The following SPATA7 variants were observed in gnomAD, a reference collection of about 807,000 sequenced individuals.
The protein encoded by SPATA7 is spermatogenesis-associated protein 7.
SPATA7 carries 43 observed loss-of-function variants against 51.8 expected under a neutral mutation model. The ratio of observed to expected loss-of-function variants is 0.83; its 90% CI spans 0.65 to 1.07. The LOEUF (loss-of-function observed/expected upper bound fraction) is 1.07, where lower values mean the gene tolerates loss of function less well. Among genes scored for constraint, SPATA7 ranks in the 50% least tolerant of loss-of-function variants. SPATA7 has a pLI of 0.00. For missense variants in SPATA7, 683 were observed against 701.3 expected (o/e 0.97, Z 0.30); for synonymous variants, 230 against 252.8 (o/e 0.91, Z 0.86).
chr14:88,402,497 T>C (rs1184707379), intron 4 of SPATA7, among the ~76,000 whole-genome samples: 1 of 152,150 alleles, frequency 6.6e-6, no homozygotes, highest in African/African-American at 2.4e-5. Flanking sequence ...TCCATGTGTT[T>C]ATAGTCAACT....
At chr14:88,400,927 G>A (rs1286819635) in intron 4 of SPATA7, among the ~76,000 whole-genome samples, 1 of 152,142 alleles carries the variant, frequency 6.6e-6, no homozygotes, top group African/African-American at 2.4e-5. Context: ...AATATTCAAA[G>A]AAAGGATAGC....
intron 4 of SPATA7, among the ~76,000 whole-genome samples, chr14:88,399,051 CAA>C (rs962205139): frequency 2.5e-4 from 16 of 63,218 alleles, no homozygotes; most frequent in Admixed American, 7.2e-4. Context: ...GACTCCGTCT[CAA>C]AAAAAAAAAA....
At chr14:88,467,594 C>CATT (rs1566802272) in intron 4 of SPATA7, 1 of 152,130 alleles carries the variant, frequency 6.6e-6, no homozygotes, top group African/African-American at 2.4e-5. Flanking sequence ...GCAACTAAAC[C>CATT]ATTATTAAGT....
intron 3 of SPATA7, among the ~76,000 whole-genome samples, chr14:88,395,131 A>G (rs2075846854): frequency 6.6e-6 from 1 of 152,096 alleles, no homozygotes. Flanking sequence ...TAAAAATTGT[A>G]TAGGGAGTTA....
chr14:88,443,862 T>C (rs1317222473), intron 3 of SPATA7, among the ~76,000 whole-genome samples: 1 of 152,224 alleles, frequency 6.6e-6, no homozygotes, highest in East Asian at 1.9e-4. Context: ...ATGTGCCACA[T>C]TTTCTTAATC....
downstream of SPATA7, among the ~76,000 whole-genome samples, chr14:88,442,194 G>GTT (rs2077182667): frequency 6.6e-6 from 1 of 151,736 alleles, no homozygotes; most frequent in South Asian, 2.1e-4. Context: ...TTGTTTGTTT[G>GTT]TTTGTTTGTT....
intron 4 of SPATA7, among the ~76,000 whole-genome samples, chr14:88,408,937 C>T (rs1003837520): frequency 7.9e-5 from 12 of 152,168 alleles, no homozygotes; most frequent in African/African-American, 2.9e-4. Context: ...TTGAAGCAGC[C>T]TTGCATCCCA....
At chr14:88,451,159 G>T (rs1566795519) in intron 3 of SPATA7, among the ~76,000 whole-genome samples, 1 of 152,144 alleles carries the variant, frequency 6.6e-6, no homozygotes, top group Non-Finnish European at 1.5e-5. Flanking sequence ...TAGAAGTTGT[G>T]CTTTTTGTTT....
chr14:88,389,610 C>A (rs2075684323), intron 1 of SPATA7, among the ~76,000 whole-genome samples: 1 of 152,178 alleles, frequency 6.6e-6, no homozygotes, highest in South Asian at 2.1e-4. Flanking sequence ...GGAACATAGA[C>A]ATCAAGGAAC....
At chr14:88,454,572 A>G (rs2077272019) in intron 3 of SPATA7, among the ~76,000 whole-genome samples, 1 of 152,070 alleles carries the variant, frequency 6.6e-6, no homozygotes, top group South Asian at 2.1e-4. Flanking sequence ...GGAGGCCAAG[A>G]TGGGAGGATC....
chr14:88,466,538 A>G (rs2077365835), intron 4 of SPATA7: 1 of 152,242 alleles, frequency 6.6e-6, no homozygotes, highest in Non-Finnish European at 1.5e-5. Context: ...TAGATTTGAC[A>G]TTTTGGAAGT....
At chr14:88,451,618 C>A (rs927406800) in intron 3 of SPATA7, among the ~76,000 whole-genome samples, 13 of 151,922 alleles carry the variant, frequency 8.6e-5, no homozygotes, top group Middle Eastern at 3.4e-3. Context: ...CCTCTGCCTC[C>A]CTAGGTTCAA....
At chr14:88,445,113 A>G (rs920199108) in intron 3 of SPATA7, among the ~76,000 whole-genome samples, 30 of 152,146 alleles carry the variant, frequency 2.0e-4, no homozygotes, top group Non-Finnish European at 4.1e-4. Context: ...CTTCCTACCC[A>G]TGAGCATGGA....
intron 4 of SPATA7, among the ~76,000 whole-genome samples, chr14:88,404,395 A>C (rs188075655): frequency 1.3e-5 from 2 of 152,342 alleles, no homozygotes; most frequent in Admixed American, 6.5e-5. Context: ...AATAGAAAAG[A>C]GTAGTAGAGT....
rs529423217 is a variant in SPATA7 at position 88,407,194 on chromosome 14, G to A, written c.239-9517G>A. Among the ~76,000 whole-genome samples the A allele has an allele frequency of 1.4e-3, 206 of 152,150 alleles. 1 individual carries two copies. The highest frequency in any genetic ancestry group is 4.7e-3 in the African/African-American group (194 of 41,532). On this transcript the variant is annotated intron_variant, in intron 4 of 11. Transcript: ENST00000393545. ...CTAGATCCTTGAGGAATTGCCACAC[G>A]GTCTTCCACAATGGTTGAACTAATT...
intron 3 of SPATA7, among the ~76,000 whole-genome samples, chr14:88,395,823 A>G (rs1474431555): frequency 6.6e-6 from 1 of 152,102 alleles, no homozygotes; most frequent in Non-Finnish European, 1.5e-5. Flanking sequence ...TTATTGTAGC[A>G]TTACAGTAAG....
chr14:88,421,615 C>G (rs112957630), intron 5 of SPATA7, among the ~76,000 whole-genome samples: 3 of 152,062 alleles, frequency 2.0e-5, no homozygotes, highest in Admixed American at 2.0e-4. Flanking sequence ...GATTCTATGA[C>G]AGCAGAGAGA....
intron 4 of SPATA7, 37 bp downstream of exon 4, chr14:88,396,240 A>C (rs773899103): frequency 1.3e-6 from 2 of 1,487,952 alleles, no homozygotes; most frequent in Non-Finnish European, 1.9e-6. Flanking sequence ...TTTTTAAAAA[A>C]AAATTAAGGT....
chr14:88,409,355 TC>T (rs1359515518), intron 4 of SPATA7, among the ~76,000 whole-genome samples: 2 of 152,334 alleles, frequency 1.3e-5, no homozygotes, highest in East Asian at 3.9e-4. Flanking sequence ...ATCCATTTCT[TC>T]TAGATTTTCT....
Sources: gnomAD v4.1 joint callset for allele counts (sites outside exome capture counted in the v4.1 genomes callset) on GRCh38, gnomAD v4.1.1 for gene constraint, MANE v1.5 for transcripts, NCBI Gene and HGNC (gene_info 2026-07-23, HGNC 2026-07-21) for gene names.